STARD13: variants seen among roughly 807,000 people sequenced by gnomAD.
STARD13 encodes the protein stAR-related lipid transfer protein 13.
A neutral mutation model predicts 106.4 loss-of-function variants in STARD13; 62 were observed. The ratio of observed to expected loss-of-function variants is 0.58; its 90% CI spans 0.48 to 0.72. STARD13 has a LOEUF of 0.72. Among genes scored for constraint, STARD13 ranks in the 30% least tolerant of loss-of-function variants. The pLI is 0.00. For missense variants in STARD13, 1,387 were observed against 1,424.0 expected (o/e 0.97, Z 0.42); for synonymous variants, 565 against 553.0 (o/e 1.02, Z -0.31).
chr13:33,615,843 A>C, the STARD13 span, among the ~76,000 whole-genome samples: 1 of 152,152 alleles, frequency 6.6e-6, no homozygotes, highest in East Asian at 1.9e-4. Context: ...TGGGAAAATA[A>C]ATTACTCAAG....
At position 33,243,516 on chromosome 13, in the gene STARD13, G is replaced by T. The variant is rs1028709512; in HGVS notation, c.169+41954C>A. On this transcript the variant is annotated intron_variant, in intron 1 of 13. Coordinates refer to ENST00000336934, the MANE Select transcript of STARD13 (RefSeq NM_178006.4). ...AGGAGTTCAGATTTTAATCCTATGG[G>T]TCATAGGGATTTTCAAGTATGGAAT... Among the ~76,000 whole-genome samples the T allele has an allele frequency of 2.6e-5, 4 of 152,226 alleles. No individual in the cohort carries two copies. In the South Asian group the frequency reaches 8.3e-4, roughly 32 times the overall value.
At chr13:33,510,180 C>T in the STARD13 span, among the ~76,000 whole-genome samples, 490 of 152,214 alleles carry the variant, frequency 3.2e-3, 1 homozygote, top group Admixed American at 7.5e-3. Context: ...TGCCAAGCCA[C>T]GATGAGCTAC....
chr13:33,332,620 G>A (rs1258474748), intron 1 of STARD13, among the ~76,000 whole-genome samples: 2 of 152,080 alleles, frequency 1.3e-5, no homozygotes, highest in East Asian at 1.9e-4. Context: ...TGAGAAATAC[G>A]TCTGCGGTTT....
the STARD13 span, chr13:33,610,825 G>A: frequency 6.6e-6 from 1 of 152,436 alleles, no homozygotes; most frequent in African/African-American, 2.4e-5. Context: ...ACTGCGCGGA[G>A]AACCTCTGCC....
chr13:33,277,412 C>T (rs1404237348), intron 1 of STARD13: 1 of 152,146 alleles, frequency 6.6e-6, no homozygotes, highest in Non-Finnish European at 1.5e-5. Flanking sequence ...CATAATTTTA[C>T]TTCATTCACT....
chr13:33,526,494 G>A, the STARD13 span, among the ~76,000 whole-genome samples: 9 of 151,964 alleles, frequency 5.9e-5, no homozygotes, highest in African/African-American at 2.2e-4. Flanking sequence ...CTTTCTCTGC[G>A]TGCTTCTTCC....
intron 3 of STARD13, 93 bp from the exon 4 acceptor site, chr13:33,142,466 A>C: frequency 8.8e-7 from 1 of 1,134,714 alleles, no homozygotes; most frequent in Non-Finnish European, 1.3e-6. Context: ...TAAAGTTGAA[A>C]CTGCAGGAAC....
intron 1 of STARD13, among the ~76,000 whole-genome samples, chr13:33,329,655 A>ATG (rs34427794): frequency 0.016 from 2,341 of 144,290 alleles, 53 homozygotes; most frequent in African/African-American, 0.052. Context: ...GTGTGTGTGT[A>ATG]TGTGTGTGTG....
At chr13:33,110,140 C>T in intron 11 of STARD13, 50 bp from the exon 12 acceptor site, 13 of 1,560,898 alleles carry the variant, frequency 8.3e-6, no homozygotes, top group Non-Finnish European at 1.1e-5. Context: ...GGATATGGGT[C>T]CAACATTTTT....
intron 1 of STARD13, among the ~76,000 whole-genome samples, chr13:33,278,126 C>A (rs2138386128): frequency 6.6e-6 from 1 of 152,294 alleles, no homozygotes; most frequent in East Asian, 1.9e-4. Flanking sequence ...CAATATGTGA[C>A]TTCCCAGTAT....
chr13:33,676,458 G>C, the STARD13 span, among the ~76,000 whole-genome samples: 1 of 152,142 alleles, frequency 6.6e-6, no homozygotes, highest in African/African-American at 2.4e-5. Context: ...CTACATGACC[G>C]TTTCATTATG....
chr13:33,639,997 C>G, the STARD13 span, among the ~76,000 whole-genome samples: 2 of 152,274 alleles, frequency 1.3e-5, no homozygotes, highest in East Asian at 3.9e-4. Flanking sequence ...TGAGAGGAGA[C>G]CTTCTAGGGG....
chr13:33,230,655 G>C (rs76165489), intron 1 of STARD13, among the ~76,000 whole-genome samples: 1 of 152,256 alleles, frequency 6.6e-6, no homozygotes, highest in East Asian at 1.9e-4. Flanking sequence ...CCTATTTCCT[G>C]TTATCCTCAT....
the STARD13 span, among the ~76,000 whole-genome samples, chr13:33,506,337 A>C: frequency 6.6e-6 from 1 of 152,114 alleles, no homozygotes; most frequent in African/African-American, 2.4e-5. Context: ...AACAAACTAT[A>C]CTTATTCAGA....
the STARD13 span, among the ~76,000 whole-genome samples, chr13:33,437,248 G>A: frequency 3.9e-5 from 6 of 152,072 alleles, no homozygotes; most frequent in African/African-American, 7.2e-5. Context: ...TCTAGTTACC[G>A]GTGCATGCAG....
At chr13:33,141,515 G>C (rs571752217) in intron 4 of STARD13, among the ~76,000 whole-genome samples, 1 of 152,154 alleles carries the variant, frequency 6.6e-6, no homozygotes, top group Non-Finnish European at 1.5e-5. Flanking sequence ...CCTGTGATGG[G>C]GAGGGAGCTT....
At chr13:33,173,806 A>G (rs923183708) in intron 1 of STARD13, among the ~76,000 whole-genome samples, 2 of 152,192 alleles carry the variant, frequency 1.3e-5, no homozygotes, top group African/African-American at 2.4e-5. Flanking sequence ...GTGCAATAAA[A>G]TATCTGACTG....
At chr13:33,453,765 A>AT in the STARD13 span, among the ~76,000 whole-genome samples, 1 of 152,218 alleles carries the variant, frequency 6.6e-6, no homozygotes, top group South Asian at 2.1e-4. Flanking sequence ...AACATGAAAA[A>AT]TGTTTTTAAA....
At chr13:33,434,571 C>G in the STARD13 span, among the ~76,000 whole-genome samples, 7 of 152,066 alleles carry the variant, frequency 4.6e-5, no homozygotes, top group Admixed American at 1.3e-4. Context: ...GCTTTCTTGG[C>G]TCATGAAAGC....
Sources: allele counts gnomAD v4.1 joint callset (sites outside exome capture counted in the v4.1 genomes callset), GRCh38; gene constraint gnomAD v4.1.1; transcripts MANE v1.5; gene names NCBI Gene and HGNC (gene_info 2026-07-23, HGNC 2026-07-21).